Variants in RBMS3 observed in about 807,000 individuals in gnomAD.
RBMS3 encodes RNA-binding motif, single-stranded-interacting protein 3.
RBMS3 carries 27 observed loss-of-function variants against 66.8 expected under a neutral mutation model. The ratio of observed to expected loss-of-function variants is 0.40; its 90% CI spans 0.30 to 0.56. The LOEUF is 0.56. Ranked by LOEUF, RBMS3 falls within the 20% of genes least tolerant of loss-of-function variation. RBMS3 has a pLI of 0.40. For missense variants in RBMS3, 513 were observed against 549.5 expected, an observed-to-expected ratio of 0.93 and a Z score of 0.66; for synonymous variants, 188 against 183.0, an observed-to-expected ratio of 1.03 and a Z score of -0.22.
chr3:29,848,867 C>T (rs1167836344), intron 6 of RBMS3, among the ~76,000 whole-genome samples: 1 of 151,926 alleles, frequency 6.6e-6, no homozygotes, highest in Non-Finnish European at 1.5e-5. Flanking sequence ...CTAAAACCTA[C>T]ATAAAGAGAA....
intron 1 of RBMS3, among the ~76,000 whole-genome samples, chr3:29,325,863 A>C (rs750849641): frequency 6.6e-6 from 1 of 152,072 alleles, no homozygotes; most frequent in Non-Finnish European, 1.5e-5. Context: ...AAAATCTATC[A>C]TCAGGTTGCC....
intron 6 of RBMS3, among the ~76,000 whole-genome samples, chr3:29,828,503 C>A (rs943858147): frequency 9.9e-5 from 15 of 152,034 alleles, no homozygotes; most frequent in Admixed American, 3.9e-4. Flanking sequence ...TTCCCAAATC[C>A]TTTGTGATGT....
intron 4 of RBMS3, among the ~76,000 whole-genome samples, chr3:29,640,567 G>T (rs1354035712): frequency 6.6e-6 from 1 of 152,008 alleles, no homozygotes; most frequent in African/African-American, 2.4e-5. Context: ...GTTCTTGAAG[G>T]ATGATGTGTT....
At chr3:29,317,681 A>G (rs1435152709) in intron 1 of RBMS3, among the ~76,000 whole-genome samples, 1 of 151,882 alleles carries the variant, frequency 6.6e-6, no homozygotes, top group East Asian at 1.9e-4. Context: ...CATAGTGAAG[A>G]TTTGAGAAGA....
intron 3 of RBMS3, among the ~76,000 whole-genome samples, chr3:29,538,443 A>G (rs946097008): frequency 6.6e-6 from 1 of 152,222 alleles, no homozygotes; most frequent in African/African-American, 2.4e-5. Flanking sequence ...ACCCAAACAA[A>G]AAGGATACAA....
chr3:29,327,005 C>T (rs2035378922), intron 1 of RBMS3, among the ~76,000 whole-genome samples: 1 of 152,144 alleles, frequency 6.6e-6, no homozygotes, highest in South Asian at 2.1e-4. Flanking sequence ...GCTGGGATTA[C>T]AGGCGTGAGC....
chr3:29,928,467 G>A (rs577253608), intron 10 of RBMS3, among the ~76,000 whole-genome samples: 1 of 150,686 alleles, frequency 6.6e-6, no homozygotes, highest in East Asian at 2.0e-4. Flanking sequence ...TTTTTGTCTT[G>A]TGCTGTTTTT....
intron 3 of RBMS3, among the ~76,000 whole-genome samples, chr3:29,578,252 C>A (rs1422971982): frequency 6.6e-6 from 1 of 152,042 alleles, no homozygotes. Context: ...GACTAAAGCA[C>A]CAAGGTCTAG....
At chr3:29,897,543 A>G in intron 9 of RBMS3, 68 bp downstream of exon 9, 1 of 1,406,966 alleles carries the variant, frequency 7.1e-7, no homozygotes, top group Non-Finnish European at 1.0e-6. Context: ...AGAGGCAAAA[A>G]GGACACAGTA....
chr3:29,674,892 G>A (rs1242591710), intron 4 of RBMS3, among the ~76,000 whole-genome samples: 1 of 152,042 alleles, frequency 6.6e-6, no homozygotes, highest in East Asian at 1.9e-4. Flanking sequence ...TCACAGAATT[G>A]GAAAAAACTA....
chr3:29,573,479 C>T (rs893960261), intron 3 of RBMS3, among the ~76,000 whole-genome samples: 1 of 151,936 alleles, frequency 6.6e-6, no homozygotes, highest in Non-Finnish European at 1.5e-5. Context: ...CTTCATTAGT[C>T]TGGCTAAAAG....
chr3:29,403,115 C>T (rs757709997), intron 1 of RBMS3, among the ~76,000 whole-genome samples: 2 of 151,486 alleles, frequency 1.3e-5, no homozygotes, highest in Non-Finnish European at 2.9e-5. Flanking sequence ...TGTTCTCAAG[C>T]CAAATAAAAG....
intron 6 of RBMS3, chr3:29,797,626 CAGA>C (rs1285566418): frequency 6.6e-6 from 1 of 152,164 alleles, no homozygotes; most frequent in Non-Finnish European, 1.5e-5. Context: ...ACATGCCTTC[CAGA>C]CTAAGCCGAA....
At position 29,990,962 on chromosome 3, in the gene RBMS3, C is replaced by T. The variant is rs546124093; in HGVS notation, c.1180-120C>T. 8.6e-5 allele frequency: 76 copies of T among 883,596 alleles called. No individual in the cohort carries two copies. The African/African-American group carries it at 1.0e-3, about 12-fold the overall frequency. The allele number at this position is 883,596 out of a possible 1,614,324, so 54.7% of individuals were successfully genotyped here. ...GGTTTCCTCTGAGTACTTATTGTGACTTCATGTAGCTGAGGGTATCTCTAC... is the reference window on the plus strand; with the variant it reads ...GGTTTCCTCTGAGTACTTATTGTGATTTCATGTAGCTGAGGGTATCTCTAC... On this transcript the variant is annotated intron_variant, in intron 13 of 14. Transcript: ENST00000383767.
At chr3:29,537,098 T>C (rs113536949) in intron 3 of RBMS3, among the ~76,000 whole-genome samples, 67 of 152,320 alleles carry the variant, frequency 4.4e-4, no homozygotes, top group African/African-American at 1.6e-3. Context: ...CAAATAGATT[T>C]GGAATGTTTA....
intron 10 of RBMS3, among the ~76,000 whole-genome samples, chr3:29,919,700 C>T (rs1377180011): frequency 6.6e-6 from 1 of 152,174 alleles, no homozygotes; most frequent in Non-Finnish European, 1.5e-5. Flanking sequence ...GGAATCCTGC[C>T]TTGAACTACA....
At chr3:29,925,693 C>A (rs1219315676) in intron 10 of RBMS3, among the ~76,000 whole-genome samples, 2 of 152,112 alleles carry the variant, frequency 1.3e-5, no homozygotes, top group African/African-American at 4.8e-5. Context: ...AAATGCAGAG[C>A]TAAGCTTTCC....
rs564090667 is a variant in RBMS3, at chr3:29,853,605, TC to T, written c.638-15251del. On this transcript the variant is annotated intron_variant, in intron 6 of 14. Coordinates refer to ENST00000383767, the MANE Select transcript of RBMS3 (RefSeq NM_001003793.3). ...ACAGATGATTGGCTACTTCTTTACT[TC>T]CTGTTTTTCCCTAATTAGCATTTTA... Among the ~76,000 whole-genome samples, 159 of 152,056 alleles carry T rather than the reference TC, an allele frequency of 1.0e-3. 1 individual carries two copies. Among genetic ancestry groups the T allele is most frequent in the African/African-American group, 3.7e-3 (153 of 41,442 alleles).
At chr3:29,653,164 G>T (rs1163784969) in intron 4 of RBMS3, among the ~76,000 whole-genome samples, 2 of 152,056 alleles carry the variant, frequency 1.3e-5, no homozygotes, top group Non-Finnish European at 2.9e-5. Context: ...TGGAGTTTTA[G>T]ATCAATACAA....
Sources: allele counts gnomAD v4.1 joint callset (sites outside exome capture counted in the v4.1 genomes callset), GRCh38; gene constraint gnomAD v4.1.1; transcripts MANE v1.5; gene names NCBI Gene and HGNC (gene_info 2026-07-23, HGNC 2026-07-21).